Variants in COL17A1 observed in about 807,000 individuals in gnomAD.
COL17A1 encodes collagen type XVII alpha 1 chain, also known as collagen alpha-1(XVII) chain.
In COL17A1, 181 loss-of-function variants were observed where a neutral mutation model predicts 218.4. The ratio of observed to expected loss-of-function variants is 0.83; its 90% CI spans 0.73 to 0.94. The LOEUF is 0.94. Ranked by LOEUF, COL17A1 falls within the 40% of genes least tolerant of loss-of-function variation. The pLI, the probability that COL17A1 is intolerant of heterozygous loss-of-function variation, is 0.00. For synonymous variants in COL17A1, 721 were observed against 731.0 expected (o/e 0.99, Z 0.22); for missense variants, 1,924 against 1,945.9 (o/e 0.99, Z 0.21).
At position 104,052,210 on chromosome 10, in the gene COL17A1, A is replaced by G. The variant is rs774736841; in HGVS notation, c.1947T>C (p.Ala649=). The change falls in exon 24 of 56, where the codon GCT becomes GCC. Residue 649 remains alanine (A), a synonymous_variant. Transcript: ENST00000648076. ...GTGGGCCATGAGGACCTGGTTCACC[A>G]GCAGCCCCTGAGGAGAAATGGAGGG... ...GSGEKGERGA[A]GEPGPHGPPG... The G allele has an allele frequency of 1.2e-6, 2 of 1,614,156 alleles. No individual in the cohort carries two copies. Among genetic ancestry groups the G allele is most frequent in the Non-Finnish European group, 1.7e-6 (2 of 1,180,006 alleles).
At chr10:104,043,451 A>AC in intron 35 of COL17A1, 50 bp downstream of exon 35, 1 of 1,508,604 alleles carries the variant, frequency 6.6e-7, no homozygotes, top group Non-Finnish European at 9.2e-7. Flanking sequence ...TAGAGTCACT[A>AC]CCGCCAAGAC....
At position 104,037,698 on chromosome 10, in the gene COL17A1, G is replaced by A; in HGVS notation, c.3146C>T (p.Thr1049Ile). 1 of 1,614,192 alleles carries A rather than the reference G, an allele frequency of 6.2e-7. No homozygotes were observed. The highest frequency in any genetic ancestry group is 8.5e-7 in the Non-Finnish European group (1 of 1,180,042). Residue 1049 changes from threonine to isoleucine, a missense_variant, in exon 46 of 56, where the codon ACC becomes ATC. Physicochemically the swap from Thr to Ile is moderately conservative, Grantham distance 89. Transcript: ENST00000648076. ...GTAGTCGAAAGTCTCGCCTGTGATG[G>A]TGGTGACAGGTCCTGGGGGACCAGG... ...GPPGPPGPVT[T>I]ITGETFDYSE...
In COL17A1 at chr10:104,059,727, A is replaced by G. The variant is rs779596256; in HGVS notation, c.1142-9T>C. The G allele has an allele frequency of 1.2e-6, 2 of 1,613,836 alleles. No homozygotes were observed. The highest frequency in any genetic ancestry group is 3.3e-5 in the Admixed American group (2 of 60,024). On this transcript the variant is annotated splice_polypyrimidine_tract_variant and intron_variant, in intron 14 of 55. Coordinates refer to ENST00000648076, the MANE Select transcript of COL17A1 (RefSeq NM_000494.4). ...GTCTTCTGAAAAAGAAGCTATGTAC[A>G]GAACCCATTATAACCTGGCATATTC...
Position 104,055,856 on chromosome 10 carries a change from A to T in COL17A1, c.1613T>A (p.Ile538Asn). The change falls in exon 18 of 56, where the codon ATT (isoleucine) becomes AAT (asparagine). Residue 538 changes from isoleucine to asparagine, a missense_variant. By Grantham distance (149) the Ile-to-Asn change is moderately radical. Coordinates refer to ENST00000648076, the MANE Select transcript of COL17A1 (RefSeq NM_000494.4). Reference sequence around the variant, plus strand: ...CTCCTGGCTGTCACTGTGCAGCCCAATTTTGTCCAGGTCTGCTCCCGCCGC... The same window carrying T: ...CTCCTGGCTGTCACTGTGCAGCCCATTTTTGTCCAGGTCTGCTCCCGCCGC... The part of the protein sequence containing the change: ...APAAGADLDK[I>N]GLHSDSQEEL... The T allele has an allele frequency of 6.2e-7, 1 of 1,614,106 alleles. No individual in the cohort carries two copies. The highest frequency in any genetic ancestry group is 8.5e-7 in the Non-Finnish European group (1 of 1,180,006).
intron 12 of COL17A1, among the ~76,000 whole-genome samples, chr10:104,061,873 C>T (rs1415171897): frequency 6.6e-6 from 1 of 152,140 alleles, no homozygotes; most frequent in Non-Finnish European, 1.5e-5. Flanking sequence ...TTCATGTCCC[C>T]AGTCACCCCC....
chr10:104,047,810 C>A lies in COL17A1; in HGVS notation c.2264G>T (p.Gly755Val), dbSNP rs1279181559. Residue 755 changes from glycine to valine, a missense_variant and splice_region_variant, in exon 31 of 56, where the codon GGT becomes GTT. Physicochemically the swap from Gly to Val is moderately radical, Grantham distance 109. Coordinates refer to ENST00000648076, the MANE Select transcript of COL17A1 (RefSeq NM_000494.4). ...AGPDGHQGPR[G>V]EQGLTGMPGI... is the part of the protein sequence containing the mutation. The stretch of plus-strand genomic sequence containing the variant: ...AGGCATCCCAGTAAGACCTTGTTCA[C>A]CTAGAGAGAGAATGGCCAACGTGGA... 20 of 1,613,950 alleles carry A rather than the reference C, an allele frequency of 1.2e-5. No individual in the cohort carries two copies. Among genetic ancestry groups the A allele is most frequent in the Non-Finnish European group, 1.6e-5 (19 of 1,179,830 alleles).
At chr10:104,068,468 A>G (rs2086644675) in intron 9 of COL17A1, among the ~76,000 whole-genome samples, 1 of 152,244 alleles carries the variant, frequency 6.6e-6, no homozygotes, top group Non-Finnish European at 1.5e-5. Flanking sequence ...CCTTATGTGA[A>G]AAAGGTAGAT....
chr10:104,041,514 G>C lies in COL17A1; in HGVS notation c.2576C>G (p.Pro859Arg), dbSNP rs755001651. 6 of 1,612,972 alleles carry C rather than the reference G, an allele frequency of 3.7e-6. No individual in the cohort carries two copies. The highest frequency in any genetic ancestry group is 4.2e-6 in the Non-Finnish European group (5 of 1,179,144). The change falls in exon 37 of 56, where the codon CCA becomes CGA. Residue 859 changes from proline to arginine, a missense_variant. Transcript: ENST00000648076. ...TGGCCCGCGTGGGCCGGGTGGGCCTGGGGGACCTTGTAAATTAAGAACTTC... is the reference window on the plus strand; with the variant it reads ...TGGCCCGCGTGGGCCGGGTGGGCCTCGGGGACCTTGTAAATTAAGAACTTC... Reference protein sequence around the residue: ...HQEVLNLQGPPGPPGPRGPPG... With the variant: ...HQEVLNLQGPRGPPGPRGPPG...
chr10:104,079,806 A>T (rs1048038656), intron 2 of COL17A1, among the ~76,000 whole-genome samples: 4 of 152,140 alleles, frequency 2.6e-5, no homozygotes, highest in African/African-American at 9.7e-5. Flanking sequence ...GGGCACCTGT[A>T]ATCCCAGCTG....
chr10:104,078,490 G>A (rs2086731298), intron 3 of COL17A1, 52 bp downstream of exon 3: 4 of 1,612,958 alleles, frequency 2.5e-6, no homozygotes, highest in Middle Eastern at 1.6e-4. Flanking sequence ...ACAGGTGTGG[G>A]GCCCTTCAAA....
intron 16 of COL17A1, among the ~76,000 whole-genome samples, chr10:104,057,908 C>T (rs912417842): frequency 6.6e-6 from 1 of 151,922 alleles, no homozygotes; most frequent in East Asian, 1.9e-4. Flanking sequence ...CAGCTGGGGG[C>T]GGGGGGCCTG....
intron 11 of COL17A1, chr10:104,063,537 C>A: frequency 1.4e-6 from 1 of 714,866 alleles, no homozygotes; most frequent in Non-Finnish European, 2.4e-6. Context: ...AGAATACGCA[C>A]GTCAATGTGG....
chr10:104,074,469 G>C (rs1342637531), intron 5 of COL17A1, among the ~76,000 whole-genome samples: 1 of 152,208 alleles, frequency 6.6e-6, no homozygotes, highest in African/African-American at 2.4e-5. Context: ...TTCAGATGAG[G>C]CAGGGATGAA....
intron 19 of COL17A1, 76 bp downstream of exon 19, chr10:104,055,296 G>T (rs1023420857): frequency 1.1e-5 from 17 of 1,605,308 alleles, no homozygotes; most frequent in Middle Eastern, 1.6e-4. Context: ...AAAGAAAAAG[G>T]CTTCTAATCT....
At position 104,034,326 on chromosome 10, in the gene COL17A1, C is replaced by T. The variant is rs767016278; in HGVS notation, c.3775G>A (p.Val1259Met). The T allele has an allele frequency of 3.2e-6, 5 of 1,557,868 alleles. No homozygotes were observed. In the Admixed American group the frequency reaches 9.4e-5, roughly 29 times the overall value. The change falls in exon 52 of 56, where the codon GTG becomes ATG. Residue 1259 changes from valine to methionine, a missense_variant. Physicochemically the swap from Val to Met is conservative, Grantham distance 21. Coordinates refer to ENST00000648076, the MANE Select transcript of COL17A1 (RefSeq NM_000494.4). The stretch of plus-strand genomic sequence containing the variant: ...GGGGGGCCAACAATGAAGCTGCGCA[C>T]ATCAGGACCTGCAGGGTGAGAAGCT... ...ELISYLTSPDVRSFIVGPPGP... is the reference protein window; with the variant it reads ...ELISYLTSPDMRSFIVGPPGP...
chr10:104,072,039 G>A lies in COL17A1; in HGVS notation c.456C>T (p.Ser152=), dbSNP rs2086673729. 6.2e-7 allele frequency: 1 copy of A among 1,614,018 alleles called. No individual in the cohort carries two copies. Among genetic ancestry groups the A allele is most frequent in the African/African-American group, 1.3e-5 (1 of 74,894 alleles). Residue 152 remains serine, a synonymous_variant, in exon 8 of 56, where the codon TCC becomes TCT. Transcript: ENST00000648076. ...AAGATCATGACCACTTACATCGGGTGGATGGGGACGCACTCTGCAGTCGAA... is the reference window on the plus strand; with the variant it reads ...AAGATCATGACCACTTACATCGGGTAGATGGGGACGCACTCTGCAGTCGAA... The part of the protein sequence containing the change: ...IRVRLQSASP[S]TRWTELDDVK...
intron 14 of COL17A1, 65 bp from the exon 15 acceptor site, chr10:104,059,783 TC>T: frequency 3.3e-6 from 5 of 1,531,050 alleles, no homozygotes; most frequent in East Asian, 2.2e-5. Flanking sequence ...TGTCCTGTGT[TC>T]CCCCCGCCCT....
At position 104,032,015 on chromosome 10, in the gene COL17A1, C is replaced by T; in HGVS notation, c.*220G>A. ...GTCTCATTCTAAAACATTGCAACTACTGTTAGAGTCCACCCCATGAAGCTG... is the reference window on the plus strand; with the variant it reads ...GTCTCATTCTAAAACATTGCAACTATTGTTAGAGTCCACCCCATGAAGCTG... On this transcript the variant is annotated 3_prime_UTR_variant, in exon 56 of 56. Transcript: ENST00000648076. 2 of 606,196 alleles carry T rather than the reference C, an allele frequency of 3.3e-6. No homozygotes were observed. The highest frequency in any genetic ancestry group is 5.9e-6 in the Non-Finnish European group (2 of 339,842). The allele number at this position is 606,196 out of a possible 1,614,324, so 37.6% of individuals were successfully genotyped here. A position where few individuals can be genotyped will look rare whatever the true frequency, so the allele number is the denominator to read the frequency against.
chr10:104,082,969 G>T (rs1314159795), intron 1 of COL17A1, among the ~76,000 whole-genome samples: 1 of 152,194 alleles, frequency 6.6e-6, no homozygotes, highest in Non-Finnish European at 1.5e-5. Context: ...GATATAACCT[G>T]CTCTAGGCAG....
Sources: gnomAD v4.1 joint callset for allele counts (sites outside exome capture counted in the v4.1 genomes callset) on GRCh38, gnomAD v4.1.1 for gene constraint, MANE v1.5 for transcripts, NCBI Gene and HGNC (gene_info 2026-07-23, HGNC 2026-07-21) for gene names.